SCFD2: variants seen among roughly 807,000 people sequenced by gnomAD.
The protein encoded by SCFD2 is sec1 family domain-containing protein 2.
SCFD2 carries 54 observed loss-of-function variants against 58.9 expected under a neutral mutation model. That is an observed-to-expected ratio of 0.92 (90% CI 0.74 to 1.15). The LOEUF (loss-of-function observed/expected upper bound fraction) is 1.15, where lower values mean the gene tolerates loss of function less well. SCFD2 is among the 50% of genes most tolerant of loss of function. The pLI is 0.00. For missense variants in SCFD2, 805 were observed against 836.6 expected (o/e 0.96, Z 0.47); for synonymous variants, 321 against 335.9 (o/e 0.96, Z 0.49).
chr4:53,273,922 G>C lies in SCFD2; in HGVS notation c.1215C>G (p.Gly405=), dbSNP rs1459746691. The part of the protein sequence containing the change: ...NNLKALMNHC[G]LLQLGLATAQ... ...CTGTGGCCAGTCCAAGCTGGAGGAG[G>C]CCACAATGATTCATTAGAGCTTTGA... The change falls in exon 4 of 9, where the codon GGC becomes GGG. Residue 405 remains glycine (G), a synonymous_variant. Coordinates refer to ENST00000401642, the MANE Select transcript of SCFD2 (RefSeq NM_152540.4). 1 of 1,613,800 alleles carries C rather than the reference G, an allele frequency of 6.2e-7. No individual in the cohort carries two copies. The highest frequency in any genetic ancestry group is 1.3e-5 in the African/African-American group (1 of 74,906).
intron 5 of SCFD2, among the ~76,000 whole-genome samples, chr4:52,993,537 G>A (rs1236812632): frequency 2.0e-5 from 3 of 152,188 alleles, no homozygotes; most frequent in African/African-American, 7.2e-5. Flanking sequence ...TTAGTCTCAA[G>A]TGTGTTTGCA....
At chr4:53,159,995 G>A (rs1726806359) in intron 4 of SCFD2, among the ~76,000 whole-genome samples, 1 of 152,192 alleles carries the variant, frequency 6.6e-6, no homozygotes, top group Non-Finnish European at 1.5e-5. Context: ...GGGTAGAAAT[G>A]GTCTCCATGA....
intron 4 of SCFD2, among the ~76,000 whole-genome samples, chr4:53,261,988 G>C (rs1453524163): frequency 6.6e-6 from 1 of 151,900 alleles, no homozygotes; most frequent in Non-Finnish European, 1.5e-5. Flanking sequence ...TTTTGTACTA[G>C]TCCTTTTATC....
At chr4:53,203,199 C>T (rs1318979444) in intron 4 of SCFD2, among the ~76,000 whole-genome samples, 1 of 152,058 alleles carries the variant, frequency 6.6e-6, no homozygotes, top group African/African-American at 2.4e-5. Context: ...GAGATACATC[C>T]CATCAATACC....
At chr4:53,324,373 A>T (rs1208228470) in intron 2 of SCFD2, among the ~76,000 whole-genome samples, 1 of 148,044 alleles carries the variant, frequency 6.8e-6, no homozygotes, top group South Asian at 2.2e-4. Context: ...AGCTATGATC[A>T]TACCAGTTCA....
intron 5 of SCFD2, among the ~76,000 whole-genome samples, chr4:53,126,746 G>A (rs1725640749): frequency 6.6e-6 from 1 of 152,176 alleles, no homozygotes; most frequent in Non-Finnish European, 1.5e-5. Context: ...TTGTGTGGGT[G>A]AGCCACACCT....
chr4:53,297,272 T>C (rs1732071283), intron 3 of SCFD2, among the ~76,000 whole-genome samples: 2 of 152,312 alleles, frequency 1.3e-5, no homozygotes, highest in East Asian at 3.9e-4. Context: ...TGTGGGAGTC[T>C]ACATCTCTTT....
chr4:53,241,690 T>C (rs1234196932), intron 4 of SCFD2, among the ~76,000 whole-genome samples: 2 of 152,216 alleles, frequency 1.3e-5, no homozygotes, highest in African/African-American at 4.8e-5. Flanking sequence ...TTCCGTCCCA[T>C]GCCAGCATGT....
At chr4:53,321,412 T>A (rs1479585092) in intron 2 of SCFD2, among the ~76,000 whole-genome samples, 2 of 151,952 alleles carry the variant, frequency 1.3e-5, no homozygotes, top group Admixed American at 6.6e-5. Flanking sequence ...TTCAATCAAG[T>A]AGAAGGCATG....
At position 53,156,865 on chromosome 4, in the gene SCFD2, T is replaced by A. The variant is rs951539868; in HGVS notation, c.1312-11283A>T. ...TCCCTAGAAAAAGCACTTGTGCAAT[T>A]GTTTTGAGTTGTGTACTGAAGTAAT... On this transcript the variant is annotated intron_variant, in intron 4 of 8. Coordinates refer to ENST00000401642, the MANE Select transcript of SCFD2 (RefSeq NM_152540.4). 2.6e-5 allele frequency among the ~76,000 whole-genome samples: 4 copies of A among 152,370 alleles called. No individual in the cohort carries two copies. The East Asian group carries it at 5.8e-4, about 22-fold the overall frequency.
intron 5 of SCFD2, among the ~76,000 whole-genome samples, chr4:52,973,064 A>G (rs1299272019): frequency 2.0e-5 from 3 of 152,252 alleles, no homozygotes; most frequent in Admixed American, 6.5e-5. Context: ...AAGAGAAAAC[A>G]GGAAAGATCT....
At chr4:52,882,176 T>C (rs1196972760) in intron 8 of SCFD2, among the ~76,000 whole-genome samples, 1 of 151,670 alleles carries the variant, frequency 6.6e-6, no homozygotes, top group Non-Finnish European at 1.5e-5. Context: ...AGGGTAAGAG[T>C]GGGGTGGCTA....
chr4:53,210,682 A>C (rs1024212194), intron 4 of SCFD2, among the ~76,000 whole-genome samples: 3 of 152,110 alleles, frequency 2.0e-5, no homozygotes, highest in Non-Finnish European at 4.4e-5. Context: ...CTTTTTAATA[A>C]ATTAATAAGC....
chr4:52,881,255 G>A (rs966318609), intron 8 of SCFD2, among the ~76,000 whole-genome samples: 4 of 152,226 alleles, frequency 2.6e-5, no homozygotes, highest in African/African-American at 7.2e-5. Context: ...TGGAGGTGCT[G>A]TGAATGGATT....
At chr4:53,208,152 T>C (rs1728495522) in intron 4 of SCFD2, among the ~76,000 whole-genome samples, 1 of 151,508 alleles carries the variant, frequency 6.6e-6, no homozygotes, top group Non-Finnish European at 1.5e-5. Context: ...TTTCTTTTTA[T>C]ATATATAGAG....
chr4:52,955,008 A>G (rs932083940), intron 5 of SCFD2, among the ~76,000 whole-genome samples: 22 of 152,040 alleles, frequency 1.4e-4, no homozygotes, highest in African/African-American at 5.3e-4. Flanking sequence ...CGTCTCCCAC[A>G]CAGTACCCCA....
chr4:53,046,107 T>A (rs1480364049), intron 5 of SCFD2, among the ~76,000 whole-genome samples: 1 of 152,172 alleles, frequency 6.6e-6, no homozygotes, highest in Admixed American at 6.5e-5. Context: ...AGTTTTCATT[T>A]CTCTTCTACC....
chr4:53,312,773 G>A (rs552648302), intron 3 of SCFD2, among the ~76,000 whole-genome samples: 1 of 152,120 alleles, frequency 6.6e-6, no homozygotes, highest in African/African-American at 2.4e-5. Context: ...CCAATAAAAT[G>A]TACTAATATT....
intron 5 of SCFD2, among the ~76,000 whole-genome samples, chr4:53,050,789 C>T (rs1723167983): frequency 6.6e-6 from 1 of 152,146 alleles, no homozygotes; most frequent in Non-Finnish European, 1.5e-5. Context: ...TCATCTGGCT[C>T]CTGCCTCTCT....
Sources: gnomAD v4.1 joint callset for allele counts (sites outside exome capture counted in the v4.1 genomes callset) on GRCh38, gnomAD v4.1.1 for gene constraint, MANE v1.5 for transcripts, NCBI Gene and HGNC (gene_info 2026-07-23, HGNC 2026-07-21) for gene names.